Variants in ZEB1 observed in about 807,000 individuals in gnomAD.
The protein encoded by ZEB1 is zinc finger E-box binding homeobox 1.
In ZEB1, 21 loss-of-function variants were observed where a neutral mutation model predicts 84.9. That is an observed-to-expected ratio of 0.25 (90% CI 0.18 to 0.36). ZEB1 has a LOEUF of 0.36. Ranked by LOEUF, ZEB1 falls within the 10% of genes least tolerant of loss-of-function variation. The pLI, the probability that ZEB1 is intolerant of heterozygous loss-of-function variation, is 1.00. For synonymous variants in ZEB1, 420 were observed against 471.1 expected, an observed-to-expected ratio of 0.89 and a Z score of 1.41; for missense variants, 1,104 against 1,330.2, an observed-to-expected ratio of 0.83 and a Z score of 2.65.
At chr10:31,508,098 C>T (rs2069292365) in intron 4 of ZEB1, among the ~76,000 whole-genome samples, 2 of 152,056 alleles carry the variant, frequency 1.3e-5, no homozygotes, top group African/African-American at 4.8e-5. Flanking sequence ...GGCTTAGGTG[C>T]AATTGTTAGT....
chr10:31,524,939 A>G (rs889007447), intron 8 of ZEB1, among the ~76,000 whole-genome samples: 1 of 152,218 alleles, frequency 6.6e-6, no homozygotes, highest in Admixed American at 6.5e-5. Context: ...TTCTGCCACA[A>G]AATATGCCTC....
intron 5 of ZEB1, among the ~76,000 whole-genome samples, chr10:31,512,082 CT>C (rs893346444): frequency 2.6e-4 from 39 of 152,144 alleles, no homozygotes; most frequent in African/African-American, 9.4e-4. Context: ...CCTAGTGCCC[CT>C]ATTAATGAGT....
intron 2 of ZEB1, among the ~76,000 whole-genome samples, chr10:31,469,883 C>T (rs866831643): frequency 1.1e-4 from 17 of 152,324 alleles, no homozygotes; most frequent in Middle Eastern, 6.8e-3. Flanking sequence ...GGTAGACTGC[C>T]TCCTCAAGTG....
intron 1 of ZEB1, among the ~76,000 whole-genome samples, chr10:31,452,502 C>G (rs539975257): frequency 3.3e-5 from 5 of 151,986 alleles, no homozygotes; most frequent in Non-Finnish European, 7.4e-5. Flanking sequence ...CTCTCCATTC[C>G]ATTTTGTGTA....
chr10:31,457,707 T>A (rs1048195080), intron 1 of ZEB1, among the ~76,000 whole-genome samples: 7 of 152,096 alleles, frequency 4.6e-5, no homozygotes, highest in Non-Finnish European at 8.8e-5. Flanking sequence ...TAAGAGTGCT[T>A]TGAGCTATGG....
At chr10:31,359,313 A>G (rs1034193549) in intron 1 of ZEB1, among the ~76,000 whole-genome samples, 2 of 152,148 alleles carry the variant, frequency 1.3e-5, no homozygotes, top group Non-Finnish European at 2.9e-5. Context: ...TAGATGAGAT[A>G]GCATTTTTCT....
In ZEB1 at chr10:31,523,960, G is replaced by A. The variant is rs1302778137; in HGVS notation, c.2632G>A (p.Gly878Arg). 11 of 1,613,916 alleles carry A rather than the reference G, an allele frequency of 6.8e-6. No homozygotes were observed. The highest frequency in any genetic ancestry group is 5.0e-5 in the Admixed American group (3 of 60,014). Reference sequence around the variant, plus strand: ...TGAAAGACAAGATACTAGCTCAGAAGGAGTATCAAATGTAGAGGATCAGAA... The same window carrying A: ...TGAAAGACAAGATACTAGCTCAGAAAGAGTATCAAATGTAGAGGATCAGAA... ...QDERQDTSSEGVSNVEDQNDS... is the reference protein window; with the variant it reads ...QDERQDTSSERVSNVEDQNDS... Residue 878 changes from glycine (G) to arginine (R), a missense_variant, in exon 8 of 9, where the codon GGA (glycine) becomes AGA (arginine). Around this residue, in one of 7 missense-constraint regions of ZEB1, gnomAD observed 531 missense variants for 575.2 expected, o/e 0.92. Coordinates refer to ENST00000424869, the MANE Select transcript of ZEB1 (RefSeq NM_001174096.2).
At chr10:31,369,105 A>G (rs974672379) in intron 1 of ZEB1, among the ~76,000 whole-genome samples, 9 of 152,164 alleles carry the variant, frequency 5.9e-5, no homozygotes, top group Non-Finnish European at 1.2e-4. Context: ...TTGATTGACC[A>G]ATCATAATTG....
chr10:31,520,489 G>C lies in ZEB1; in HGVS notation c.1157G>C (p.Ser386Thr). The change falls in exon 7 of 9, where the codon AGT (serine) becomes ACT (threonine). Residue 386 changes from serine (S) to threonine (T), a missense_variant. By Grantham distance (58) the Ser-to-Thr change is moderately conservative. Coordinates refer to ENST00000424869, the MANE Select transcript of ZEB1 (RefSeq NM_001174096.2). The surrounding 1 kb of genome is among the most constrained non-coding windows in gnomAD (Gnocchi z 5.1). ...GGTGGTGGCCCATTACAGGCAACCA[G>C]TTCTCCTCAGGGCATGGTGCAAGCT... is the stretch of plus-strand genomic sequence containing the variant. ...FTGGGPLQATSSPQGMVQAVV... is the reference protein window; with the variant it reads ...FTGGGPLQATTSPQGMVQAVV... 6.2e-7 allele frequency: 1 copy of C among 1,614,002 alleles called. No individual in the cohort carries two copies. The highest frequency in any genetic ancestry group is 8.5e-7 in the Non-Finnish European group (1 of 1,179,910).
rs1181030271 is a variant in ZEB1 at position 31,527,405 on chromosome 10, AATACAAAAC to A, written c.*143_*151del. 2.2e-6 allele frequency: 2 copies of A among 911,184 alleles called. No homozygotes were observed. The highest frequency in any genetic ancestry group is 1.8e-5 in the African/African-American group (1 of 54,894). The allele number at this position is 911,184 out of a possible 1,614,324, so 56.4% of individuals were successfully genotyped here. ...TAAAGTAAAAACTAAAAAAATACAAAATACAAAACACACACACACACACACACACACACA... is the reference window on the plus strand; with the variant it reads ...TAAAGTAAAAACTAAAAAAATACAAAACACACACACACACACACACACACA... On this transcript the variant is annotated 3_prime_UTR_variant, in exon 9 of 9. Coordinates refer to ENST00000424869, the MANE Select transcript of ZEB1 (RefSeq NM_001174096.2).
intron 1 of ZEB1, among the ~76,000 whole-genome samples, chr10:31,422,293 A>G (rs2056300818): frequency 6.6e-6 from 1 of 152,154 alleles, no homozygotes. Context: ...GAAGTTCTGA[A>G]GCTATGAAGT....
chr10:31,322,578 C>A (rs1373476625), intron 1 of ZEB1, among the ~76,000 whole-genome samples: 1 of 152,016 alleles, frequency 6.6e-6, no homozygotes, highest in African/African-American at 2.4e-5. Flanking sequence ...AAGGTTTGGC[C>A]AAAGCATCAA....
At chr10:31,323,999 A>C (rs1029592970) in intron 1 of ZEB1, among the ~76,000 whole-genome samples, 1 of 148,422 alleles carries the variant, frequency 6.7e-6, no homozygotes, top group Non-Finnish European at 1.5e-5. Flanking sequence ...GTGTGTGTAA[A>C]TAGTTTTTCA....
chr10:31,463,378 C>T (rs978722599), intron 2 of ZEB1, among the ~76,000 whole-genome samples: 2 of 152,116 alleles, frequency 1.3e-5, no homozygotes, highest in Non-Finnish European at 1.5e-5. Flanking sequence ...AAGTAAGACA[C>T]TACCTTGTCA....
chr10:31,411,492 C>T (rs975695304), intron 1 of ZEB1, among the ~76,000 whole-genome samples: 4 of 151,812 alleles, frequency 2.6e-5, no homozygotes, highest in African/African-American at 4.8e-5. Flanking sequence ...ATTAGCCGGG[C>T]GCGGTGGCGG....
intron 1 of ZEB1, among the ~76,000 whole-genome samples, chr10:31,409,060 A>G (rs1000984999): frequency 2.6e-5 from 4 of 152,230 alleles, no homozygotes; most frequent in African/African-American, 9.6e-5. Flanking sequence ...AAAAAAACAT[A>G]CAACCCCATC....
chr10:31,500,923 G>T (rs1163422910), intron 3 of ZEB1, among the ~76,000 whole-genome samples: 1 of 152,140 alleles, frequency 6.6e-6, no homozygotes, highest in African/African-American at 2.4e-5. Context: ...TTGGTATATA[G>T]CAAATGCTAA....
chr10:31,476,602 T>A (rs1284329288), intron 2 of ZEB1, among the ~76,000 whole-genome samples: 1 of 151,980 alleles, frequency 6.6e-6, no homozygotes, highest in East Asian at 1.9e-4. Context: ...GATACCTCCC[T>A]AACTCTTTCT....
chr10:31,349,379 CAG>C (rs1424014244), intron 1 of ZEB1, among the ~76,000 whole-genome samples: 3 of 152,080 alleles, frequency 2.0e-5, no homozygotes, highest in Non-Finnish European at 2.9e-5. Flanking sequence ...CTGAAATGAA[CAG>C]GGGAGTACAG....
Sources: allele counts gnomAD v4.1 joint callset (sites outside exome capture counted in the v4.1 genomes callset), GRCh38; gene constraint gnomAD v4.1.1; regional missense constraint gnomAD v4.1.1; non-coding constraint Gnocchi (gnomAD v3.1); transcripts MANE v1.5; gene names NCBI Gene and HGNC (gene_info 2026-07-23, HGNC 2026-07-21).